MYT1L: variants seen among roughly 807,000 people sequenced by gnomAD.
MYT1L encodes myelin transcription factor 1 like.
A neutral mutation model predicts 126.7 loss-of-function variants in MYT1L; 12 were observed. The ratio of observed to expected loss-of-function variants is 0.09; its 90% CI spans 0.06 to 0.15. The LOEUF is 0.15. Ranked by LOEUF, MYT1L falls within the 10% of genes least tolerant of loss-of-function variation. The pLI, the probability that MYT1L is intolerant of heterozygous loss-of-function variation, is 1.00. For synonymous variants in MYT1L, 541 were observed against 604.2 expected (o/e 0.90, Z 1.53); for missense variants, 979 against 1,585.2 (o/e 0.62, Z 6.49).
intron 2 of MYT1L, among the ~76,000 whole-genome samples, chr2:2,240,553 T>C (rs1266571793): frequency 6.6e-6 from 1 of 152,222 alleles, no homozygotes; most frequent in East Asian, 1.9e-4. Flanking sequence ...ATTTTTATAG[T>C]AACACAAATT....
At chr2:2,232,324 G>A (rs1466689168) in intron 2 of MYT1L, among the ~76,000 whole-genome samples, 2 of 152,218 alleles carry the variant, frequency 1.3e-5, no homozygotes, top group Non-Finnish European at 2.9e-5. Flanking sequence ...CAGTTACTGT[G>A]ACAAACACAA....
At chr2:2,283,969 A>G (rs1169949616) in intron 2 of MYT1L, among the ~76,000 whole-genome samples, 2 of 152,304 alleles carry the variant, frequency 1.3e-5, no homozygotes, top group East Asian at 1.9e-4. Flanking sequence ...CATGTCTGCA[A>G]TGTGGCCTCA....
In MYT1L at chr2:1,886,623, G is replaced by A. The variant is rs750290671; in HGVS notation, c.2643-16C>T. 5.2e-6 allele frequency: 8 copies of A among 1,534,580 alleles called. No homozygotes were observed. In the South Asian group the frequency reaches 9.0e-5, roughly 17 times the overall value. On this transcript the variant is annotated splice_polypyrimidine_tract_variant and intron_variant, in intron 17 of 24. Transcript: ENST00000647738. ...GCCAGACAGACTGTAAGACAGGCCGGGACAGGCAGGTCAGTCAACTGCGAA... is the reference window on the plus strand; with the variant it reads ...GCCAGACAGACTGTAAGACAGGCCGAGACAGGCAGGTCAGTCAACTGCGAA...
chr2:2,205,019 A>AT (rs1385945378), intron 2 of MYT1L, among the ~76,000 whole-genome samples: 2 of 149,938 alleles, frequency 1.3e-5, no homozygotes, highest in Non-Finnish European at 3.0e-5. Context: ...AGGACAAAAA[A>AT]CCAAACACTG....
intron 21 of MYT1L, among the ~76,000 whole-genome samples, chr2:1,838,036 C>G (rs539420828): frequency 2.1e-4 from 32 of 152,082 alleles, no homozygotes; most frequent in African/African-American, 6.0e-4. Flanking sequence ...CTCAGCCTCC[C>G]GAGTAGCTGG....
intron 4 of MYT1L, among the ~76,000 whole-genome samples, chr2:2,036,510 C>T (rs2066868687): frequency 6.6e-6 from 1 of 152,186 alleles, no homozygotes; most frequent in Non-Finnish European, 1.5e-5. Context: ...CCACAATCTC[C>T]ACTCTCTGAT....
At chr2:2,163,308 TCA>T (rs1426531088) in intron 3 of MYT1L, among the ~76,000 whole-genome samples, 1 of 152,200 alleles carries the variant, frequency 6.6e-6, no homozygotes. Context: ...CCTACCTGCC[TCA>T]GTTATACTTA....
intron 1 of MYT1L, among the ~76,000 whole-genome samples, chr2:2,317,169 C>A (rs138933827): frequency 6.6e-6 from 1 of 152,090 alleles, no homozygotes. Context: ...ATGAATTTCA[C>A]GTCAACCTGC....
At chr2:2,275,768 G>T (rs936854596) in intron 2 of MYT1L, among the ~76,000 whole-genome samples, 1 of 152,092 alleles carries the variant, frequency 6.6e-6, no homozygotes, top group Non-Finnish European at 1.5e-5. Context: ...ACTTTGCATG[G>T]GTTGATGTCT....
At chr2:1,818,565 G>A (rs1431262919) in intron 21 of MYT1L, among the ~76,000 whole-genome samples, 2 of 152,094 alleles carry the variant, frequency 1.3e-5, no homozygotes, top group Non-Finnish European at 1.5e-5. Flanking sequence ...TCATGATGAC[G>A]GAGCATCTCC....
intron 2 of MYT1L, among the ~76,000 whole-genome samples, chr2:2,206,005 C>T (rs539911969): frequency 2.1e-5 from 3 of 140,688 alleles, no homozygotes; most frequent in Non-Finnish European, 4.4e-5. Context: ...TTTTTTGAAA[C>T]AGGGTCTCAC....
chr2:2,076,834 A>G (rs2150283123), intron 3 of MYT1L, among the ~76,000 whole-genome samples: 1 of 152,226 alleles, frequency 6.6e-6, no homozygotes, highest in Admixed American at 6.5e-5. Flanking sequence ...GAGAGAAAAA[A>G]GTTAACTGAA....
chr2:1,901,322 C>T (rs1043690265), intron 14 of MYT1L, among the ~76,000 whole-genome samples: 4 of 152,064 alleles, frequency 2.6e-5, no homozygotes, highest in Non-Finnish European at 5.9e-5. Context: ...GGATCAAATC[C>T]CGGTAGAACG....
chr2:2,114,186 A>G (rs181973885), intron 3 of MYT1L, among the ~76,000 whole-genome samples: 1 of 152,368 alleles, frequency 6.6e-6, no homozygotes, highest in Admixed American at 6.5e-5. Flanking sequence ...TAGGCAAATG[A>G]TCATCTGACC....
intron 1 of MYT1L, among the ~76,000 whole-genome samples, chr2:2,284,957 C>T (rs2149425390): frequency 6.6e-6 from 1 of 152,280 alleles, no homozygotes; most frequent in East Asian, 1.9e-4. Context: ...ACCTCGGGAT[C>T]CGCCCACCTT....
At chr2:1,845,965 C>G (rs2042440673) in intron 19 of MYT1L, among the ~76,000 whole-genome samples, 1 of 152,192 alleles carries the variant, frequency 6.6e-6, no homozygotes, top group Admixed American at 6.5e-5. Flanking sequence ...CTCAGCGTCG[C>G]CTCCTCTCTC....
chr2:1,951,524 C>T (rs1461095579), intron 8 of MYT1L, among the ~76,000 whole-genome samples: 1 of 152,230 alleles, frequency 6.6e-6, no homozygotes, highest in East Asian at 1.9e-4. Flanking sequence ...CTGGGGTCAT[C>T]ACCCAGATCT....
intron 21 of MYT1L, among the ~76,000 whole-genome samples, chr2:1,813,650 G>T (rs1368895906): frequency 2.0e-5 from 3 of 152,086 alleles, no homozygotes; most frequent in Non-Finnish European, 4.4e-5. Flanking sequence ...GGGGGTCCGG[G>T]CTGCGGGCTC....
At chr2:1,882,698 G>A (rs897876937) in intron 18 of MYT1L, among the ~76,000 whole-genome samples, 4 of 152,148 alleles carry the variant, frequency 2.6e-5, no homozygotes, top group Non-Finnish European at 4.4e-5. Flanking sequence ...CAGTCAAAGC[G>A]GATGACCTTC....
Sources: gnomAD v4.1 joint callset for allele counts (sites outside exome capture counted in the v4.1 genomes callset) on GRCh38, gnomAD v4.1.1 for gene constraint, MANE v1.5 for transcripts, NCBI Gene and HGNC (gene_info 2026-07-23, HGNC 2026-07-21) for gene names.